Variants in PLCXD3 observed in about 807,000 individuals in gnomAD.
PLCXD3 encodes the protein phosphatidylinositol specific phospholipase C X domain containing 3.
PLCXD3 carries 19 observed loss-of-function variants against 25.5 expected under a neutral mutation model. That is an observed-to-expected ratio of 0.75 (90% CI 0.52 to 1.09). The LOEUF is 1.09. Ranked by LOEUF, PLCXD3 falls within the 50% of genes least tolerant of loss-of-function variation. The probability of loss-of-function intolerance (pLI) is 0.00; values close to 1 mark genes in which losing one functional copy is unlikely to be tolerated. For synonymous variants in PLCXD3, 174 were observed against 137.6 expected, an observed-to-expected ratio of 1.26 and a Z score of -1.85; for missense variants, 411 against 388.1, an observed-to-expected ratio of 1.06 and a Z score of -0.50.
chr5:41,447,582 A>T (rs1030508419), intron 1 of PLCXD3, among the ~76,000 whole-genome samples: 3 of 152,332 alleles, frequency 2.0e-5, no homozygotes, highest in African/African-American at 7.2e-5. Flanking sequence ...TCCATGGAGT[A>T]CAGGCACCTT....
chr5:41,457,117 T>G (rs1263630293), intron 1 of PLCXD3, among the ~76,000 whole-genome samples: 4 of 151,966 alleles, frequency 2.6e-5, no homozygotes, highest in African/African-American at 9.7e-5. Flanking sequence ...TTTATAAGTC[T>G]GAAAAATAAT....
At chr5:41,335,746 G>C (rs563086416) in intron 2 of PLCXD3, among the ~76,000 whole-genome samples, 1 of 152,064 alleles carries the variant, frequency 6.6e-6, no homozygotes, top group Non-Finnish European at 1.5e-5. Context: ...GGTGGATACA[G>C]GGATGAATCA....
At chr5:41,403,951 T>C (rs1746278589) in intron 1 of PLCXD3, among the ~76,000 whole-genome samples, 1 of 152,180 alleles carries the variant, frequency 6.6e-6, no homozygotes, top group Non-Finnish European at 1.5e-5. Flanking sequence ...AACATCTTGA[T>C]AATTTAACTT....
intron 2 of PLCXD3, among the ~76,000 whole-genome samples, chr5:41,369,595 C>T (rs1745034185): frequency 6.6e-6 from 1 of 152,132 alleles, no homozygotes; most frequent in African/African-American, 2.4e-5. Context: ...ATTCTGCTGC[C>T]TCAGCCTCTT....
chr5:41,507,082 G>A (rs1749064977), intron 1 of PLCXD3, among the ~76,000 whole-genome samples: 1 of 152,174 alleles, frequency 6.6e-6, no homozygotes, highest in African/African-American at 2.4e-5. Context: ...AGCACCTTAT[G>A]TGTTCCCATG....
At chr5:41,330,695 A>T (rs1743773726) in intron 2 of PLCXD3, among the ~76,000 whole-genome samples, 1 of 152,234 alleles carries the variant, frequency 6.6e-6, no homozygotes, top group African/African-American at 2.4e-5. Context: ...AAAAATCCTC[A>T]ATAAAATACT....
chr5:41,356,042 A>T (rs1744608667), intron 2 of PLCXD3, among the ~76,000 whole-genome samples: 1 of 152,122 alleles, frequency 6.6e-6, no homozygotes, highest in Admixed American at 6.5e-5. Context: ...AGGTGTGTGG[A>T]TCGCCTGAGG....
At chr5:41,325,391 C>A (rs1328028738) in intron 2 of PLCXD3, among the ~76,000 whole-genome samples, 1 of 152,150 alleles carries the variant, frequency 6.6e-6, no homozygotes, top group Non-Finnish European at 1.5e-5. Flanking sequence ...TTAAAACTAG[C>A]AAATGCTACT....
At chr5:41,452,726 T>C (rs1183575470) in intron 1 of PLCXD3, among the ~76,000 whole-genome samples, 1 of 152,016 alleles carries the variant, frequency 6.6e-6, no homozygotes, top group African/African-American at 2.4e-5. Context: ...GGTTAATGAT[T>C]TTTTTGTGCA....
At chr5:41,381,708 T>C in intron 2 of PLCXD3, 118 bp downstream of exon 2, 1 of 855,774 alleles carries the variant, frequency 1.2e-6, no homozygotes, top group Admixed American at 2.9e-5. Flanking sequence ...GGTACTTTGC[T>C]ATTGCAGCCC....
chr5:41,410,679 C>A (rs1421034275), intron 1 of PLCXD3, among the ~76,000 whole-genome samples: 1 of 152,088 alleles, frequency 6.6e-6, no homozygotes, highest in African/African-American at 2.4e-5. Flanking sequence ...ACCTTTTTTC[C>A]CAGCAGTTTT....
At chr5:41,457,155 T>A (rs1011088941) in intron 1 of PLCXD3, among the ~76,000 whole-genome samples, 1 of 151,990 alleles carries the variant, frequency 6.6e-6, no homozygotes, top group African/African-American at 2.4e-5. Context: ...CTTGAAATTC[T>A]GTTGGATAAT....
intron 1 of PLCXD3, among the ~76,000 whole-genome samples, chr5:41,431,374 C>T (rs563703854): frequency 6.6e-6 from 1 of 152,144 alleles, no homozygotes; most frequent in African/African-American, 2.4e-5. Context: ...ACTAAGTATA[C>T]AAAATTTTTG....
At chr5:41,388,470 G>C (rs1328073697) in intron 1 of PLCXD3, among the ~76,000 whole-genome samples, 2 of 152,006 alleles carry the variant, frequency 1.3e-5, no homozygotes, top group African/African-American at 4.8e-5. Context: ...AAAACAGTGA[G>C]AATTCCACTG....
intron 2 of PLCXD3, among the ~76,000 whole-genome samples, chr5:41,371,352 G>A (rs77575251): frequency 0.11 from 16,728 of 152,170 alleles, 1,161 homozygotes; most frequent in Admixed American, 0.17. Flanking sequence ...TTATTCTCCT[G>A]TTGGACATAA....
chr5:41,416,889 G>T (rs1175126892), intron 1 of PLCXD3, among the ~76,000 whole-genome samples: 1 of 152,124 alleles, frequency 6.6e-6, no homozygotes, highest in East Asian at 1.9e-4. Context: ...TTTTGGGACG[G>T]TGAAAAGTTT....
intron 1 of PLCXD3, among the ~76,000 whole-genome samples, chr5:41,451,170 T>C (rs1261369762): frequency 6.6e-6 from 1 of 152,078 alleles, no homozygotes; most frequent in East Asian, 1.9e-4. Flanking sequence ...TACCAAAGGT[T>C]CAAGGGCTTC....
At chr5:41,503,818 G>A (rs73081530) in intron 1 of PLCXD3, among the ~76,000 whole-genome samples, 1,722 of 152,248 alleles carry the variant, frequency 0.011, 28 homozygotes, top group African/African-American at 0.039. Context: ...CAATGACTAC[G>A]TCTAGGACTT....
intron 1 of PLCXD3, among the ~76,000 whole-genome samples, chr5:41,504,600 G>A (rs991173870): frequency 1.3e-5 from 2 of 152,188 alleles, no homozygotes; most frequent in African/African-American, 4.8e-5. Context: ...CATGCTCAAT[G>A]TTGGGCCTCT....
Sources: allele counts gnomAD v4.1 joint callset (sites outside exome capture counted in the v4.1 genomes callset), GRCh38; gene constraint gnomAD v4.1.1; transcripts MANE v1.5; gene names NCBI Gene and HGNC (gene_info 2026-07-23, HGNC 2026-07-21).